SORCS2: variants seen among roughly 807,000 people sequenced by gnomAD.
SORCS2 encodes the protein sortilin related VPS10 domain containing receptor 2, also known as VPS10 domain-containing receptor SorCS2.
A neutral mutation model predicts 141.6 loss-of-function variants in SORCS2; 100 were observed. The ratio of observed to expected loss-of-function variants is 0.71; its 90% CI spans 0.60 to 0.83. SORCS2 has a LOEUF of 0.83. Among genes scored for constraint, SORCS2 ranks in the 40% least tolerant of loss-of-function variants. The pLI, the probability that SORCS2 is intolerant of heterozygous loss-of-function variation, is 0.00. For synonymous variants in SORCS2, 789 were observed against 676.9 expected, an observed-to-expected ratio of 1.17 and a Z score of -2.57; for missense variants, 1,646 against 1,560.2, an observed-to-expected ratio of 1.05 and a Z score of -0.93.
At chr4:7,322,090 A>T (rs1265880820) in intron 1 of SORCS2, among the ~76,000 whole-genome samples, 1 of 152,144 alleles carries the variant, frequency 6.6e-6, no homozygotes, top group Non-Finnish European at 1.5e-5. Flanking sequence ...GCCATCAGAC[A>T]GGTGGGGTTT....
At chr4:7,237,463 A>G (rs560887890) in intron 1 of SORCS2, among the ~76,000 whole-genome samples, 2 of 152,256 alleles carry the variant, frequency 1.3e-5, no homozygotes, top group South Asian at 2.1e-4. Flanking sequence ...CCTTCTCAAT[A>G]TAGTTGCAGC....
chr4:7,697,175 C>T (rs1236900483), intron 11 of SORCS2, 23 bp from the exon 12 acceptor site: 2 of 1,552,112 alleles, frequency 1.3e-6, no homozygotes, highest in East Asian at 2.4e-5. Context: ...AAGGGTAGTA[C>T]TGCCCCTTTT....
chr4:7,583,042 C>T (rs1051297550), intron 3 of SORCS2, among the ~76,000 whole-genome samples: 9 of 152,132 alleles, frequency 5.9e-5, no homozygotes, highest in Admixed American at 2.6e-4. Flanking sequence ...GGTCAGCATT[C>T]CTTAGGACTT....
At chr4:7,527,573 C>T (rs1733774632) in intron 2 of SORCS2, among the ~76,000 whole-genome samples, 1 of 152,142 alleles carries the variant, frequency 6.6e-6, no homozygotes. Context: ...CTTGATTAGC[C>T]CTGTAAGACC....
At chr4:7,499,424 G>C (rs1248082534) in intron 2 of SORCS2, among the ~76,000 whole-genome samples, 1 of 152,170 alleles carries the variant, frequency 6.6e-6, no homozygotes, top group African/African-American at 2.4e-5. Flanking sequence ...TTGCATGCAG[G>C]AGAGGTTCCA....
intron 1 of SORCS2, among the ~76,000 whole-genome samples, chr4:7,374,969 A>G (rs1383101687): frequency 6.6e-6 from 1 of 152,274 alleles, no homozygotes; most frequent in African/African-American, 2.4e-5. Context: ...ATTTTGTTTC[A>G]GGCAAATTGA....
chr4:7,513,382 G>T (rs1320692507), intron 2 of SORCS2, among the ~76,000 whole-genome samples: 4 of 152,224 alleles, frequency 2.6e-5, no homozygotes, highest in African/African-American at 9.7e-5. Flanking sequence ...CTCCCCAGAG[G>T]GAAAACGGGG....
intron 1 of SORCS2, among the ~76,000 whole-genome samples, chr4:7,373,477 T>TATATATATATA (rs1399174075): frequency 1.5e-5 from 1 of 66,492 alleles, no homozygotes; most frequent in Admixed American, 1.8e-4. Flanking sequence ...TATATATATA[T>TATATATATATA]ATTTTTTTTT....
intron 3 of SORCS2, among the ~76,000 whole-genome samples, chr4:7,596,542 C>G (rs1717288668): frequency 6.6e-6 from 1 of 152,216 alleles, no homozygotes; most frequent in Non-Finnish European, 1.5e-5. Flanking sequence ...ACTGTTCTTT[C>G]AAAATTTATC....
chr4:7,544,015 CCCATCCAT>C (rs202042953), intron 3 of SORCS2, among the ~76,000 whole-genome samples: 5 of 109,588 alleles, frequency 4.6e-5, no homozygotes, highest in African/African-American at 1.8e-4. Flanking sequence ...CATCCATCCA[CCCATCCAT>C]CCATCCAGCC....
rs373522125 is a variant in SORCS2 at position 7,600,404 on chromosome 4, G to A, written c.649-37924G>A. 1.1e-4 allele frequency among the ~76,000 whole-genome samples: 17 copies of A among 152,212 alleles called. No individual in the cohort carries two copies. The East Asian group carries it at 1.4e-3, about 12-fold the overall frequency. On this transcript the variant is annotated intron_variant, in intron 3 of 26. Coordinates refer to ENST00000507866, the MANE Select transcript of SORCS2 (RefSeq NM_020777.3). ...GATCCACATGCCAGGCGCTTGGCAC[G>A]AGTGCTTCTGTGCAGCCTCAGAAAC...
chr4:7,282,907 G>A (rs1715973658), intron 1 of SORCS2, among the ~76,000 whole-genome samples: 1 of 152,136 alleles, frequency 6.6e-6, no homozygotes, highest in South Asian at 2.1e-4. Context: ...CAGCATCTGG[G>A]GAGGGAAATC....
chr4:7,453,487 G>A (rs1361138536), intron 2 of SORCS2, among the ~76,000 whole-genome samples: 1 of 142,486 alleles, frequency 7.0e-6, no homozygotes, highest in African/African-American at 2.7e-5. Flanking sequence ...TCCGTCTTGG[G>A]GTCAGGCTCC....
intron 1 of SORCS2, among the ~76,000 whole-genome samples, chr4:7,208,181 C>T (rs535288533): frequency 1.3e-5 from 2 of 152,050 alleles, no homozygotes; most frequent in Non-Finnish European, 2.9e-5. Context: ...CTCCTCACCC[C>T]CTGGGACATG....
chr4:7,255,111 C>G (rs1377520219), intron 1 of SORCS2, among the ~76,000 whole-genome samples: 2 of 151,946 alleles, frequency 1.3e-5, no homozygotes, highest in African/African-American at 4.8e-5. Context: ...CTTTCTCAAG[C>G]CTTTTCAGGC....
At chr4:7,337,827 CT>C (rs1386509361) in intron 1 of SORCS2, among the ~76,000 whole-genome samples, 1 of 152,218 alleles carries the variant, frequency 6.6e-6, no homozygotes, top group Non-Finnish European at 1.5e-5. Context: ...CACCTTCCCC[CT>C]GCCACTCCCA....
At chr4:7,499,074 TG>T (rs5855966) in intron 2 of SORCS2, among the ~76,000 whole-genome samples, 32,044 of 152,130 alleles carry the variant, frequency 0.21, 4,235 homozygotes, top group Middle Eastern at 0.35. Context: ...TGTGCATATG[TG>T]GGAGTGTGTG....
At chr4:7,306,924 A>T (rs1270854076) in intron 1 of SORCS2, among the ~76,000 whole-genome samples, 1 of 152,184 alleles carries the variant, frequency 6.6e-6, no homozygotes, top group Admixed American at 6.5e-5. Flanking sequence ...TTCCATGCAG[A>T]GCACCTAGAA....
At chr4:7,472,666 G>A (rs1313752929) in intron 2 of SORCS2, among the ~76,000 whole-genome samples, 7 of 152,136 alleles carry the variant, frequency 4.6e-5, no homozygotes, top group African/African-American at 1.4e-4. Flanking sequence ...GACTAAAGCC[G>A]GAAGAAGTGG....
Sources: gnomAD v4.1 joint callset for allele counts (sites outside exome capture counted in the v4.1 genomes callset) on GRCh38, gnomAD v4.1.1 for gene constraint, MANE v1.5 for transcripts, NCBI Gene and HGNC (gene_info 2026-07-23, HGNC 2026-07-21) for gene names.